Variants in NCKAP5 observed in about 807,000 individuals in gnomAD.
NCKAP5 encodes nck-associated protein 5.
NCKAP5 carries 92 observed loss-of-function variants against 167.0 expected under a neutral mutation model. The observed-to-expected ratio is 0.55, with a 90% confidence interval of 0.47 to 0.66. The LOEUF (loss-of-function observed/expected upper bound fraction) is 0.66. NCKAP5 is among the 30% of genes least tolerant of loss of function. The pLI, the probability that NCKAP5 is intolerant of heterozygous loss-of-function variation, is 0.00. For missense variants in NCKAP5, 2,378 were observed against 2,315.0 expected (o/e 1.03, Z -0.56); for synonymous variants, 891 against 877.4 (o/e 1.02, Z -0.27).
intron 3 of NCKAP5, among the ~76,000 whole-genome samples, chr2:133,414,136 T>A (rs1688955614): frequency 6.6e-6 from 1 of 152,234 alleles, no homozygotes; most frequent in Non-Finnish European, 1.5e-5. Context: ...ATTTCTGTCA[T>A]AACTCAGGAG....
At chr2:133,342,197 C>A (rs984690763) in intron 3 of NCKAP5, among the ~76,000 whole-genome samples, 3 of 152,044 alleles carry the variant, frequency 2.0e-5, no homozygotes, top group African/African-American at 7.2e-5. Context: ...CCTCGGCCTC[C>A]CAAAGTGGGA....
In NCKAP5 at chr2:132,860,551, G is replaced by T; in HGVS notation, c.748C>A (p.Arg250=). ...TGTTGGAATAGGATGCTTAGTGTTCGATTCTGCTGTTCCAAATCAAACACT... is the reference window on the plus strand; with the variant it reads ...TGTTGGAATAGGATGCTTAGTGTTCTATTCTGCTGTTCCAAATCAAACACT... ...TRVFDLEQQN[R]TLSILFQQRV... Residue 250 remains arginine (R), a synonymous_variant, in exon 11 of 20, where the codon CGA becomes AGA. Coordinates refer to ENST00000409261, the MANE Select transcript of NCKAP5 (RefSeq NM_207363.3). The T allele has an allele frequency of 6.3e-7, 1 of 1,588,464 alleles. No individual in the cohort carries two copies. Among genetic ancestry groups the T allele is most frequent in the Non-Finnish European group, 8.6e-7 (1 of 1,165,504 alleles).
intron 4 of NCKAP5, among the ~76,000 whole-genome samples, chr2:133,235,967 T>C (rs1458639954): frequency 2.1e-5 from 3 of 146,328 alleles, no homozygotes; most frequent in Admixed American, 7.1e-5. Flanking sequence ...CTCTATAGGC[T>C]GAGGCTGGAA....
intron 2 of NCKAP5, among the ~76,000 whole-genome samples, chr2:133,531,644 C>T (rs2104830091): frequency 6.6e-6 from 1 of 152,224 alleles, no homozygotes; most frequent in East Asian, 1.9e-4. Context: ...AACTTTTGCT[C>T]CTGACTTCAG....
At chr2:133,642,486 A>C in the NCKAP5 span, among the ~76,000 whole-genome samples, 1 of 152,200 alleles carries the variant, frequency 6.6e-6, no homozygotes, top group Admixed American at 6.5e-5. Context: ...GTAACAATTC[A>C]CAGAAGAGTA....
intron 19 of NCKAP5, among the ~76,000 whole-genome samples, chr2:132,715,947 GCTT>G (rs1689333213): frequency 6.6e-6 from 1 of 152,074 alleles, no homozygotes; most frequent in African/African-American, 2.4e-5. Flanking sequence ...TCTTTTCTTG[GCTT>G]CTTCTTGTCA....
intron 7 of NCKAP5, among the ~76,000 whole-genome samples, chr2:132,975,804 T>A (rs1292577465): frequency 2.6e-5 from 4 of 151,694 alleles, no homozygotes; most frequent in Non-Finnish European, 4.4e-5. Context: ...AAAAACCTCA[T>A]AACTTAAGGT....
chr2:133,607,480 T>C, the NCKAP5 span, among the ~76,000 whole-genome samples: 1 of 152,170 alleles, frequency 6.6e-6, no homozygotes, highest in Non-Finnish European at 1.5e-5. Context: ...CAAGAATCAA[T>C]TAGGTCTGCA....
In NCKAP5 at chr2:133,036,104, G is replaced by A. The variant is rs115262125; in HGVS notation, c.342-41865C>T. Among the ~76,000 whole-genome samples, 1,398 of 151,622 alleles carry A rather than the reference G, an allele frequency of 9.2e-3. 23 individuals are homozygous for A. Among genetic ancestry groups the A allele is most frequent in the African/African-American group, 0.031 (1,296 of 41,458 alleles). ...AAATGGAAAAATTCCTAGATACATA[G>A]AACCAAGATTGAATGAGGAAAAAAA... On this transcript the variant is annotated intron_variant, in intron 6 of 19. Coordinates refer to ENST00000409261, the MANE Select transcript of NCKAP5 (RefSeq NM_207363.3).
intron 16 of NCKAP5, among the ~76,000 whole-genome samples, chr2:132,748,524 T>C (rs72844786): frequency 0.13 from 19,324 of 152,160 alleles, 1,399 homozygotes; most frequent in East Asian, 0.3. Context: ...AACAAATGCA[T>C]AGAGAACATT....
chr2:133,464,059 G>C (rs1692373817), intron 3 of NCKAP5, among the ~76,000 whole-genome samples: 1 of 152,152 alleles, frequency 6.6e-6, no homozygotes, highest in African/African-American at 2.4e-5. Context: ...GGGGGAGCCT[G>C]CATGCCCCAA....
At chr2:132,677,951 T>C (rs1020805375) in intron 19 of NCKAP5, among the ~76,000 whole-genome samples, 2 of 152,058 alleles carry the variant, frequency 1.3e-5, no homozygotes, top group African/African-American at 4.8e-5. Flanking sequence ...CAAATCCAAG[T>C]GAAATTAGAC....
At chr2:132,723,560 A>G (rs1690161658) in intron 19 of NCKAP5, among the ~76,000 whole-genome samples, 1 of 152,186 alleles carries the variant, frequency 6.6e-6, no homozygotes, top group Non-Finnish European at 1.5e-5. Flanking sequence ...ATTAATTAAA[A>G]TTTCAAATAA....
intron 6 of NCKAP5, among the ~76,000 whole-genome samples, chr2:133,009,616 G>A (rs1189627723): frequency 6.6e-6 from 1 of 152,216 alleles, no homozygotes; most frequent in South Asian, 2.1e-4. Flanking sequence ...ATAATCATCT[G>A]TTGAATGCCT....
At chr2:133,413,677 C>T (rs904600776) in intron 3 of NCKAP5, among the ~76,000 whole-genome samples, 1 of 152,058 alleles carries the variant, frequency 6.6e-6, no homozygotes, top group Admixed American at 6.5e-5. Flanking sequence ...CATTTTCCAG[C>T]TTCTCTTGAG....
At chr2:133,038,810 G>C (rs2079118067) in intron 6 of NCKAP5, among the ~76,000 whole-genome samples, 1 of 151,992 alleles carries the variant, frequency 6.6e-6, no homozygotes, top group Non-Finnish European at 1.5e-5. Flanking sequence ...GTTAAAAAAA[G>C]ATCAATAATC....
At chr2:133,440,540 C>T (rs1212017130) in intron 3 of NCKAP5, among the ~76,000 whole-genome samples, 2 of 151,672 alleles carry the variant, frequency 1.3e-5, no homozygotes, top group Non-Finnish European at 2.9e-5. Context: ...GAAACTCCAT[C>T]TTTACTAAAA....
chr2:133,325,580 G>A (rs1367782533), intron 3 of NCKAP5, among the ~76,000 whole-genome samples: 1 of 152,150 alleles, frequency 6.6e-6, no homozygotes, highest in Non-Finnish European at 1.5e-5. Flanking sequence ...CTCAGTTATT[G>A]TTGGGTGCAG....
intron 6 of NCKAP5, among the ~76,000 whole-genome samples, chr2:133,039,596 T>C (rs1437909): frequency 0.5 from 75,698 of 151,918 alleles, 20,769 homozygotes; most frequent in African/African-American, 0.72. Flanking sequence ...TCAAAGACCA[T>C]GAGATTAGGA....
Sources: gnomAD v4.1 joint callset for allele counts (sites outside exome capture counted in the v4.1 genomes callset) on GRCh38, gnomAD v4.1.1 for gene constraint, MANE v1.5 for transcripts, NCBI Gene and HGNC (gene_info 2026-07-23, HGNC 2026-07-21) for gene names.